The following AKT3 variants were observed in gnomAD, a reference collection of about 807,000 sequenced individuals.
The protein encoded by AKT3 is AKT serine/threonine kinase 3.
AKT3 carries 15 observed loss-of-function variants against 65.3 expected under a neutral mutation model. The observed-to-expected ratio is 0.23, with a 90% CI of 0.15 to 0.35. AKT3 has a LOEUF of 0.35. Among genes scored for constraint, AKT3 ranks in the 10% least tolerant of loss-of-function variants. The pLI, the probability that AKT3 is intolerant of heterozygous loss-of-function variation, is 1.00. For synonymous variants in AKT3, 206 were observed against 183.8 expected (o/e 1.12, Z -0.98); for missense variants, 243 against 576.5 (o/e 0.42, Z 5.92).
At chr1:243,584,825 T>C (rs1387539333) in intron 8 of AKT3, among the ~76,000 whole-genome samples, 1 of 152,114 alleles carries the variant, frequency 6.6e-6, no homozygotes, top group Non-Finnish European at 1.5e-5. Flanking sequence ...AGCATTCCCC[T>C]TGAGAACTGG....
chr1:243,500,153 A>C lies in AKT3; in HGVS notation c.*5096T>G, dbSNP rs544459823. 8 of 299,440 alleles carry C rather than the reference A, an allele frequency of 2.7e-5. No individual in the cohort carries two copies. The highest frequency in any genetic ancestry group is 6.3e-5 in the African/African-American group (3 of 47,748). 18.5% of individuals were successfully genotyped at this position (299,440 alleles called of 1,614,324 possible). ...TGAACAAAACACACCAAAAAGGCAC[A>C]TATTTTAACTAGGCCAAAGTATATT... On this transcript the variant is annotated 3_prime_UTR_variant, in exon 14 of 14. Transcript: ENST00000673466.
intron 12 of AKT3, among the ~76,000 whole-genome samples, chr1:243,544,611 T>A (rs1480471547): frequency 6.6e-6 from 1 of 151,904 alleles, no homozygotes; most frequent in Non-Finnish European, 1.5e-5. Flanking sequence ...ACAGAGACCT[T>A]GCCTCAAAAA....
intron 2 of AKT3, among the ~76,000 whole-genome samples, chr1:243,818,435 G>A (rs139326832): frequency 8.5e-4 from 129 of 151,972 alleles, no homozygotes; most frequent in Non-Finnish European, 1.3e-3. Flanking sequence ...CACATATTTC[G>A]CTAGAAGTAA....
intron 2 of AKT3, among the ~76,000 whole-genome samples, chr1:243,749,562 C>T (rs1022464888): frequency 6.6e-6 from 1 of 152,118 alleles, no homozygotes. Context: ...CAAGAACTAA[C>T]CCCTCTTTCT....
chr1:243,506,281 G>C (rs1406786193), intron 13 of AKT3, among the ~76,000 whole-genome samples: 1 of 152,234 alleles, frequency 6.6e-6, no homozygotes, highest in Non-Finnish European at 1.5e-5. Flanking sequence ...CTCTAAGCTT[G>C]TTTAATCATA....
At chr1:243,521,847 C>T (rs1415483680) in intron 12 of AKT3, among the ~76,000 whole-genome samples, 1 of 152,174 alleles carries the variant, frequency 6.6e-6, no homozygotes, top group Non-Finnish European at 1.5e-5. Context: ...AAAAAGTAAT[C>T]CCCAGAAACT....
chr1:243,673,277 G>A (rs565628038), intron 3 of AKT3, among the ~76,000 whole-genome samples: 123 of 152,182 alleles, frequency 8.1e-4, no homozygotes, highest in African/African-American at 2.9e-3. Flanking sequence ...CATAAGTATA[G>A]GCAAAATAAA....
At chr1:243,610,722 A>G (rs1677807134) in intron 8 of AKT3, among the ~76,000 whole-genome samples, 1 of 152,236 alleles carries the variant, frequency 6.6e-6, no homozygotes, top group African/African-American at 2.4e-5. Flanking sequence ...AAAGACAAGC[A>G]CTAATACCCA....
chr1:243,603,521 C>A (rs939674749), intron 8 of AKT3, among the ~76,000 whole-genome samples: 1 of 152,180 alleles, frequency 6.6e-6, no homozygotes, highest in Non-Finnish European at 1.5e-5. Context: ...CTACAGCATG[C>A]CTTACTCTGG....
chr1:243,597,990 G>C (rs561267557), intron 8 of AKT3, among the ~76,000 whole-genome samples: 1 of 152,114 alleles, frequency 6.6e-6, no homozygotes, highest in South Asian at 2.1e-4. Flanking sequence ...TTATTCAAAG[G>C]TTTCAAATAA....
At chr1:243,613,114 C>T (rs1462898761) in intron 8 of AKT3, 1 of 144,784 alleles carries the variant, frequency 6.9e-6, no homozygotes, top group Non-Finnish European at 1.5e-5. Flanking sequence ...TATACCCACC[C>T]ATATATATAC....
At chr1:243,682,863 A>C (rs1684018361) in intron 3 of AKT3, among the ~76,000 whole-genome samples, 1 of 152,188 alleles carries the variant, frequency 6.6e-6, no homozygotes, top group Non-Finnish European at 1.5e-5. Context: ...TGTCCAAAGA[A>C]GCTTTTCTTG....
intron 8 of AKT3, among the ~76,000 whole-genome samples, chr1:243,592,091 T>C (rs142647222): frequency 6.6e-6 from 1 of 152,096 alleles, no homozygotes; most frequent in African/African-American, 2.4e-5. Context: ...ATCCCAGCAC[T>C]TTGGGAGGCC....
At chr1:243,534,751 C>T (rs891100819) in intron 12 of AKT3, among the ~76,000 whole-genome samples, 2 of 152,148 alleles carry the variant, frequency 1.3e-5, no homozygotes, top group Non-Finnish European at 2.9e-5. Context: ...CTAAACAACA[C>T]ACATATTAAA....
intron 2 of AKT3, among the ~76,000 whole-genome samples, chr1:243,748,604 G>A (rs1443845577): frequency 1.3e-5 from 2 of 152,062 alleles, no homozygotes; most frequent in African/African-American, 4.8e-5. Context: ...TTCAGAAAAT[G>A]TTAAAGTTCA....
chr1:243,587,493 C>T (rs1328486367), intron 8 of AKT3, among the ~76,000 whole-genome samples: 1 of 152,064 alleles, frequency 6.6e-6, no homozygotes. Context: ...GCGCTGTAAT[C>T]CCAGCTACTC....
chr1:243,647,823 C>T (rs889782846), intron 4 of AKT3, among the ~76,000 whole-genome samples: 4 of 152,186 alleles, frequency 2.6e-5, no homozygotes, highest in Non-Finnish European at 5.9e-5. Flanking sequence ...TGCTTTGTTT[C>T]ACAAGTTAGG....
chr1:243,633,536 T>C (rs140800932), intron 6 of AKT3, among the ~76,000 whole-genome samples: 6 of 152,210 alleles, frequency 3.9e-5, no homozygotes, highest in South Asian at 4.1e-4. Flanking sequence ...AAGTGGAGTT[T>C]TTGAGGGTTA....
intron 2 of AKT3, among the ~76,000 whole-genome samples, chr1:243,699,316 G>T (rs1685268469): frequency 1.3e-5 from 2 of 151,388 alleles, no homozygotes; most frequent in South Asian, 4.2e-4. Context: ...TGTCAAAAAA[G>T]AAGCATTTAT....
Sources: gnomAD v4.1 joint callset for allele counts (sites outside exome capture counted in the v4.1 genomes callset) on GRCh38, gnomAD v4.1.1 for gene constraint, MANE v1.5 for transcripts, NCBI Gene and HGNC (gene_info 2026-07-23, HGNC 2026-07-21) for gene names.